The following SOD2 variants were observed in gnomAD, a reference collection of about 807,000 sequenced individuals.
The protein encoded by SOD2 is superoxide dismutase 2.
In SOD2, 11 loss-of-function variants were observed where a neutral mutation model predicts 27.0. That is an observed-to-expected ratio of 0.41 (90% CI 0.26 to 0.67). SOD2 has a LOEUF of 0.67. Among genes scored for constraint, SOD2 ranks in the 30% least tolerant of loss-of-function variants. The pLI is 0.34. For missense variants in SOD2, 250 were observed against 274.5 expected (o/e 0.91, Z 0.63); for synonymous variants, 105 against 103.0 (o/e 1.02, Z -0.12).
At chr6:159,730,170 A>G (rs538302282), upstream of SOD2, among the ~76,000 whole-genome samples, 5 of 152,348 alleles carry the variant, frequency 3.3e-5, no homozygotes, top group African/African-American at 1.2e-4. Context: ...CTAATAGCTG[A>G]TCACCTAATG....
At position 159,671,331 on chromosome 6, in the gene SOD2, G is replaced by A. The variant is rs1357774353; in HGVS notation, c.*11162C>T. 3.3e-5 allele frequency: 5 copies of A among 152,512 alleles called. No homozygotes were observed. The highest frequency in any genetic ancestry group is 1.9e-4 in the East Asian group (1 of 5,182). The allele number at this position is 152,512 out of a possible 1,614,324, so 9.4% of individuals were successfully genotyped here. ...CCCTGACCCCCGAGTAGCCTAACTG[G>A]GAGGCACCCCCAAGTAGGGGCAGAC... is the stretch of plus-strand genomic sequence containing the variant. On this transcript the variant is annotated 3_prime_UTR_variant, in exon 5 of 5. Coordinates refer to ENST00000538183, the MANE Select transcript of SOD2 (RefSeq NM_000636.4).
chr6:159,711,273 T>C (rs879157642), intron 1 of SOD2, among the ~76,000 whole-genome samples: 6 of 38,910 alleles, frequency 1.5e-4, no homozygotes, highest in African/African-American at 1.5e-4. Flanking sequence ...ACCACCTCCA[T>C]AACCACCACT....
chr6:159,739,242 G>A (rs893429222), intron 1 of SOD2, among the ~76,000 whole-genome samples: 1 of 152,062 alleles, frequency 6.6e-6, no homozygotes, highest in Non-Finnish European at 1.5e-5. Flanking sequence ...AGAACTACTA[G>A]GAAGCTATAA....
intron 1 of SOD2, among the ~76,000 whole-genome samples, chr6:159,715,735 AT>A (rs1284297875): frequency 6.6e-6 from 1 of 152,088 alleles, no homozygotes; most frequent in Non-Finnish European, 1.5e-5. Context: ...CTCCGTCTCC[AT>A]AAAAAATGCA....
chr6:159,714,762 A>T (rs1290005495), intron 1 of SOD2, among the ~76,000 whole-genome samples: 1 of 152,130 alleles, frequency 6.6e-6, no homozygotes, highest in African/African-American at 2.4e-5. Flanking sequence ...TAGGCTGCAG[A>T]TTCTTCTCTG....
At chr6:159,719,884 G>A (rs867206538) in intron 1 of SOD2, among the ~76,000 whole-genome samples, 45 of 150,924 alleles carry the variant, frequency 3.0e-4, no homozygotes, top group Middle Eastern at 3.5e-3. Context: ...CACCATACCC[G>A]GCTAATTTTT....
At chr6:159,727,222 T>C (rs1278746575) in exon 1 of SOD2, 6 of 1,269,290 alleles carry the variant, frequency 4.7e-6, no homozygotes, top group Non-Finnish European at 6.1e-6. Context: ...CCATTGTGCC[T>C]CGAGGCCCCG....
chr6:159,684,759 A>AAAAT, intron 4 of SOD2, 95 bp downstream of exon 4: 1 of 979,626 alleles, frequency 1.0e-6, no homozygotes, highest in Non-Finnish European at 1.5e-6. Flanking sequence ...AAATTATTAC[A>AAAAT]TGTTCTTAAA....
chr6:159,718,110 A>G (rs1777958480), intron 1 of SOD2, among the ~76,000 whole-genome samples: 1 of 152,060 alleles, frequency 6.6e-6, no homozygotes, highest in Admixed American at 6.6e-5. Flanking sequence ...TTCTCACCTC[A>G]GCCTCCCAAG....
At chr6:159,689,687 C>T (rs879381249) in intron 2 of SOD2, among the ~76,000 whole-genome samples, 5 of 152,070 alleles carry the variant, frequency 3.3e-5, no homozygotes, top group East Asian at 1.9e-4. Context: ...GGGCCGGGTG[C>T]GGTGGCTCAC....
Position 159,669,696 on chromosome 6 carries a change from T to C in SOD2, c.*12797A>G, listed in dbSNP as rs1779614539. The C allele has an allele frequency of 6.6e-6, 1 of 152,230 alleles. No individual in the cohort carries two copies. The highest frequency in any genetic ancestry group is 2.1e-4 in the South Asian group (1 of 4,836). 9.4% of individuals were successfully genotyped at this position (152,230 alleles called of 1,614,324 possible). ...ATTATATCTTGCATGAATTGATCCTTGTTTCATTACATAATGACTTTTCTT... is the reference window on the plus strand; with the variant it reads ...ATTATATCTTGCATGAATTGATCCTCGTTTCATTACATAATGACTTTTCTT... On this transcript the variant is annotated 3_prime_UTR_variant, in exon 5 of 5. Transcript: ENST00000538183.
chr6:159,755,733 G>C, intron 1 of SOD2: 1 of 551,022 alleles, frequency 1.8e-6, no homozygotes, highest in Non-Finnish European at 2.2e-6. Flanking sequence ...GTTTTTTTTT[G>C]TTGTTTTTTT....
At chr6:159,752,933 A>G (rs1487807785) in intron 1 of SOD2, among the ~76,000 whole-genome samples, 4 of 152,192 alleles carry the variant, frequency 2.6e-5, no homozygotes, top group African/African-American at 9.7e-5. Flanking sequence ...GTTGGAGTCT[A>G]TGTTGCCCAT....
chr6:159,706,535 T>C (rs1399335433), intron 1 of SOD2, among the ~76,000 whole-genome samples: 7 of 152,076 alleles, frequency 4.6e-5, no homozygotes, highest in Non-Finnish European at 1.0e-4. Flanking sequence ...CATTACATAA[T>C]GGTAAAGGGA....
intron 1 of SOD2, among the ~76,000 whole-genome samples, chr6:159,711,700 C>T (rs1167895816): frequency 8.6e-6 from 1 of 115,814 alleles, no homozygotes; most frequent in Non-Finnish European, 1.9e-5. Context: ...ATAACCACCA[C>T]TCACACTGCT....
At chr6:159,706,523 G>A (rs1777630065) in intron 1 of SOD2, among the ~76,000 whole-genome samples, 1 of 152,110 alleles carries the variant, frequency 6.6e-6, no homozygotes, top group Admixed American at 6.6e-5. Context: ...GACAAAGAAG[G>A]CCATTACATA....
intron 1 of SOD2, among the ~76,000 whole-genome samples, chr6:159,759,040 C>G (rs1249856486): frequency 6.6e-6 from 1 of 151,590 alleles, no homozygotes; most frequent in Non-Finnish European, 1.5e-5. Flanking sequence ...GATTTGAGAT[C>G]TAGATGTAAT....
intron 1 of SOD2, among the ~76,000 whole-genome samples, chr6:159,718,398 G>A (rs966324115): frequency 1.3e-5 from 2 of 152,014 alleles, no homozygotes; most frequent in Non-Finnish European, 2.9e-5. Context: ...ACATGGGAAC[G>A]CAGATATCTC....
In SOD2 at chr6:159,676,145, G is replaced by C. The variant is rs569291057; in HGVS notation, c.*6348C>G. ...GAAATAGGAACACTTTTACACTGGT[G>C]GTGGGACTGTAAACTAGTTCAACCA... On this transcript the variant is annotated 3_prime_UTR_variant, in exon 5 of 5. Transcript: ENST00000538183. The C allele has an allele frequency of 6.6e-6, 1 of 152,322 alleles. No homozygotes were observed. The highest frequency in any genetic ancestry group is 2.1e-4 in the South Asian group (1 of 4,828). 9.4% of individuals were successfully genotyped at this position (152,322 alleles called of 1,614,324 possible). A position where few individuals can be genotyped will look rare whatever the true frequency, so the allele number is the denominator to read the frequency against.
Sources: gnomAD v4.1 joint callset for allele counts (sites outside exome capture counted in the v4.1 genomes callset) on GRCh38, gnomAD v4.1.1 for gene constraint, MANE v1.5 for transcripts, NCBI Gene and HGNC (gene_info 2026-07-23, HGNC 2026-07-21) for gene names.